The following ACSBG1 variants were observed in gnomAD, a reference collection of about 807,000 sequenced individuals.
ACSBG1 encodes the protein acyl-CoA synthetase bubblegum family member 1.
ACSBG1 carries 39 observed loss-of-function variants against 80.2 expected under a neutral mutation model. That is an observed-to-expected ratio of 0.49 (90% CI 0.38 to 0.64). The LOEUF (loss-of-function observed/expected upper bound fraction) is 0.64. ACSBG1 is among the 30% of genes least tolerant of loss of function. The pLI is 0.00. For synonymous variants in ACSBG1, 392 were observed against 379.5 expected (o/e 1.03, Z -0.38); for missense variants, 828 against 966.4 (o/e 0.86, Z 1.90).
In ACSBG1 at chr15:78,171,520, A is replaced by C; in HGVS notation, c.2099T>G (p.Met700Arg). The stretch of plus-strand genomic sequence containing the variant: ...CAAAACTGTGAGCCGTTTCAGTTTC[A>C]TCGTGGGACCTAAAAGGGAAATGAG... ...SISGGELGPTMKLKRLTVLEK... is the reference protein window; with the variant it reads ...SISGGELGPTRKLKRLTVLEK... The change falls in exon 14 of 14, where the codon ATG becomes AGG. Residue 700 changes from methionine to arginine, a missense_variant. Physicochemically the swap from Met to Arg is moderately conservative, Grantham distance 91 (BLOSUM62 -1). Transcript: ENST00000258873. The C allele has an allele frequency of 6.2e-7, 1 of 1,614,082 alleles. No individual in the cohort carries two copies. The highest frequency in any genetic ancestry group is 8.5e-7 in the Non-Finnish European group (1 of 1,179,918).
intron 1 of ACSBG1, among the ~76,000 whole-genome samples, chr15:78,230,537 T>C (rs2075437415): frequency 6.6e-6 from 1 of 152,200 alleles, no homozygotes; most frequent in Middle Eastern, 3.2e-3. Flanking sequence ...AGGACTGAGA[T>C]AGAGCCCTTC....
At chr15:78,202,091 G>A (rs1363778776) in intron 2 of ACSBG1, among the ~76,000 whole-genome samples, 1 of 152,176 alleles carries the variant, frequency 6.6e-6, no homozygotes, top group East Asian at 1.9e-4. Context: ...CGGCAGTAGG[G>A]CAGGGAGAAA....
intron 11 of ACSBG1, among the ~76,000 whole-genome samples, chr15:78,176,952 GTAAA>G (rs954254696): frequency 2.8e-4 from 42 of 151,870 alleles, no homozygotes; most frequent in Admixed American, 9.2e-4. Flanking sequence ...AAATAAATAG[GTAAA>G]TAAATAAATA....
At chr15:78,183,996 G>GAAA (rs930108564) in intron 5 of ACSBG1, among the ~76,000 whole-genome samples, 1 of 150,180 alleles carries the variant, frequency 6.7e-6, no homozygotes, top group African/African-American at 2.4e-5. Context: ...GGAACCAGAA[G>GAAA]AAAAAAAAAG....
chr15:78,198,349 CTCTT>C (rs1423362101), intron 2 of ACSBG1, among the ~76,000 whole-genome samples: 4 of 149,000 alleles, frequency 2.7e-5, no homozygotes, highest in East Asian at 2.0e-4. Context: ...CCACTATAAT[CTCTT>C]TTTTTGTTTT....
chr15:78,234,117 GTCTCCAAC>G (rs766518000), intron 1 of ACSBG1, among the ~76,000 whole-genome samples: 1 of 152,162 alleles, frequency 6.6e-6, no homozygotes, highest in Non-Finnish European at 1.5e-5. Context: ...GATCCAACTG[GTCTCCAAC>G]TGCAGCCCCA....
chr15:78,175,007 G>A (rs1048403609), intron 11 of ACSBG1, among the ~76,000 whole-genome samples: 3 of 152,224 alleles, frequency 2.0e-5, no homozygotes, highest in African/African-American at 7.2e-5. Context: ...GCACAGAGAC[G>A]TTCAGTAACT....
At position 78,178,986 on chromosome 15, in the gene ACSBG1, AG is replaced by A; in HGVS notation, c.1485-156del. The stretch of plus-strand genomic sequence containing the variant: ...TTTTTACAGGGGACTTACAGCTGAA[AG>A]GTAGAGCCAAGTAAAGGGTTTTAGG... On this transcript the variant is annotated intron_variant, in intron 10 of 13. Coordinates refer to ENST00000258873, the MANE Select transcript of ACSBG1 (RefSeq NM_015162.5). This position sits in a 1 kb window ranked among gnomAD's most constrained non-coding sequence, Gnocchi z 4.3. 1.4e-6 allele frequency: 1 copy of A among 694,236 alleles called. No individual in the cohort carries two copies. Among genetic ancestry groups the A allele is most frequent in the African/African-American group, 1.8e-5 (1 of 55,674 alleles). 43.0% of individuals were successfully genotyped at this position (694,236 alleles called of 1,614,324 possible).
intron 1 of ACSBG1, among the ~76,000 whole-genome samples, chr15:78,216,434 C>T (rs1022076085): frequency 2.0e-5 from 3 of 152,104 alleles, no homozygotes; most frequent in Admixed American, 6.5e-5. Flanking sequence ...GGGAGGCTAG[C>T]GCAGAGGAGA....
Position 78,193,496 on chromosome 15 carries a change from T to A in ACSBG1, c.663+10A>T. ...CATCTGACCCCATGCCCACTGCCTC[T>A]TCCCCAAACCTTCAGGATCTTTTCC... On this transcript the variant is annotated intron_variant, in intron 5 of 13. Transcript: ENST00000258873. 1 of 1,603,954 alleles carries A rather than the reference T, an allele frequency of 6.2e-7. No individual in the cohort carries two copies. The highest frequency in any genetic ancestry group is 1.1e-5 in the South Asian group (1 of 89,290).
chr15:78,232,342 C>T (rs1217811626), intron 1 of ACSBG1, among the ~76,000 whole-genome samples: 1 of 152,200 alleles, frequency 6.6e-6, no homozygotes, highest in African/African-American at 2.4e-5. Flanking sequence ...CTTTCTCTTT[C>T]CCTACGGGGT....
intron 1 of ACSBG1, among the ~76,000 whole-genome samples, chr15:78,223,191 G>A (rs1595904939): frequency 6.6e-6 from 1 of 151,616 alleles, no homozygotes; most frequent in African/African-American, 2.4e-5. Context: ...TATCTTGAAC[G>A]CGCGATGTTG....
intron 5 of ACSBG1, among the ~76,000 whole-genome samples, chr15:78,190,589 A>G (rs2075048497): frequency 6.6e-6 from 1 of 151,514 alleles, no homozygotes; most frequent in African/African-American, 2.4e-5. Flanking sequence ...AAAAGAAAAA[A>G]GAAAGAAAGA....
In ACSBG1 at chr15:78,169,146, CTG is replaced by C; in HGVS notation, c.*2296_*2297del. ...AGATCTGGCCTTTTCTTAACAAAATCTGTGCAAAAGATGCAGGTGGATGTCCC... is the reference window on the plus strand; with the variant it reads ...AGATCTGGCCTTTTCTTAACAAAATCTGCAAAAGATGCAGGTGGATGTCCC... On this transcript the variant is annotated 3_prime_UTR_variant, in exon 14 of 14. Transcript: ENST00000258873. 4 of 505,742 alleles carry C rather than the reference CTG, an allele frequency of 7.9e-6. No individual in the cohort carries two copies. The highest frequency in any genetic ancestry group is 7.4e-5 in the South Asian group (2 of 27,174). The allele number at this position is 505,742 out of a possible 1,614,324, so 31.3% of individuals were successfully genotyped here.
chr15:78,171,595 A>T, intron 13 of ACSBG1, 66 bp from the exon 14 acceptor site: 3 of 1,312,708 alleles, frequency 2.3e-6, no homozygotes, highest in Non-Finnish European at 3.3e-6. Flanking sequence ...TGTGTGTGGT[A>T]AAGACTCACA....
Position 78,173,723 on chromosome 15 carries a change from C to T in ACSBG1, c.1959G>A (p.Lys653=), listed in dbSNP as rs188414851. ...CGATGGCCTGGTACACGGCCTCATC[C>T]TTCTTCTCTATGATCTCGGACACTG... is the stretch of plus-strand genomic sequence containing the variant. The part of the protein sequence containing the change: ...ATTVSEIIEK[K]DEAVYQAIEE... The change falls in exon 13 of 14, where the codon AAG becomes AAA. Residue 653 remains lysine, a synonymous_variant. Transcript: ENST00000258873. 871 of 1,614,208 alleles carry T rather than the reference C, an allele frequency of 5.4e-4. 4 individuals carry two copies. In the East Asian group the frequency reaches 0.012, roughly 22 times the overall value.
At chr15:78,224,638 A>G (rs542561052) in intron 1 of ACSBG1, among the ~76,000 whole-genome samples, 1 of 152,206 alleles carries the variant, frequency 6.6e-6, no homozygotes, top group Admixed American at 6.5e-5. Context: ...GGAGAATGGC[A>G]TGAACCCAGG....
chr15:78,227,830 T>C lies in ACSBG1; in HGVS notation c.131+6541A>G, dbSNP rs1281646920. Among the ~76,000 whole-genome samples the C allele has an allele frequency of 5.3e-5, 8 of 152,208 alleles. No individual in the cohort carries two copies. In the East Asian group the frequency reaches 5.8e-4, roughly 11 times the overall value. Reference sequence around the variant, plus strand: ...ACAGACGAATGAACTACTGAGACACTTGGCAATACTGATCAATCTCACAAA... The same window carrying C: ...ACAGACGAATGAACTACTGAGACACCTGGCAATACTGATCAATCTCACAAA... On this transcript the variant is annotated intron_variant, in intron 1 of 13. Coordinates refer to ENST00000258873, the MANE Select transcript of ACSBG1 (RefSeq NM_015162.5).
intron 1 of ACSBG1, among the ~76,000 whole-genome samples, chr15:78,224,502 A>G (rs1369414170): frequency 1.3e-5 from 2 of 152,026 alleles, no homozygotes; most frequent in Non-Finnish European, 2.9e-5. Flanking sequence ...GGCAGATCAC[A>G]AGATCAGGAG....
Sources: allele counts gnomAD v4.1 joint callset (sites outside exome capture counted in the v4.1 genomes callset), GRCh38; gene constraint gnomAD v4.1.1; non-coding constraint Gnocchi (gnomAD v3.1); transcripts MANE v1.5; gene names NCBI Gene and HGNC (gene_info 2026-07-23, HGNC 2026-07-21).